DOT1L: variants seen among roughly 807,000 people sequenced by gnomAD.
The protein encoded by DOT1L is DOT1 like histone lysine methyltransferase.
A neutral mutation model predicts 153.3 loss-of-function variants in DOT1L; 33 were observed. The observed-to-expected ratio is 0.22, with a 90% CI of 0.16 to 0.29. The LOEUF is 0.29. Ranked by LOEUF, DOT1L falls within the 10% of genes least tolerant of loss-of-function variation. DOT1L has a pLI of 1.00. For synonymous variants in DOT1L, 1,135 were observed against 965.1 expected (o/e 1.18, Z -3.26); for missense variants, 1,847 against 2,119.9 (o/e 0.87, Z 2.53).
intron 2 of DOT1L, among the ~76,000 whole-genome samples, chr19:2,181,782 C>T (rs2144701863): frequency 6.6e-6 from 1 of 152,114 alleles, no homozygotes; most frequent in South Asian, 2.1e-4. Flanking sequence ...AGCCCCAGCC[C>T]CAGCCCCAGC....
At chr19:2,192,435 A>G (rs1270275897) in intron 5 of DOT1L, among the ~76,000 whole-genome samples, 1 of 152,206 alleles carries the variant, frequency 6.6e-6, no homozygotes, top group Non-Finnish European at 1.5e-5. Flanking sequence ...TGGGAGGCCA[A>G]AGCAGGCGGA....
chr19:2,189,629 C>A (rs375845994), intron 3 of DOT1L, 103 bp from the exon 4 acceptor site: 3 of 1,335,694 alleles, frequency 2.2e-6, no homozygotes, highest in East Asian at 2.4e-5. Context: ...GCTGTCCAGG[C>A]AGGGACCACA....
chr19:2,228,054 G>A, intron 27 of DOT1L: 11 of 1,302,796 alleles, frequency 8.4e-6, no homozygotes, highest in Non-Finnish European at 1.1e-5. Flanking sequence ...CCCTGAGCCC[G>A]CGCTTCTGCA....
intron 1 of DOT1L, among the ~76,000 whole-genome samples, chr19:2,179,883 G>T (rs1431302865): frequency 6.6e-6 from 1 of 152,176 alleles, no homozygotes; most frequent in African/African-American, 2.4e-5. Flanking sequence ...CCTGCACCCA[G>T]CCTGTTGTGG....
chr19:2,231,243 T>G lies in DOT1L; in HGVS notation c.*1451T>G. The G allele has an allele frequency of 4.4e-6, 1 of 227,524 alleles. No individual in the cohort carries two copies. The highest frequency in any genetic ancestry group is 6.3e-5 in the East Asian group (1 of 15,864). 14.1% of individuals were successfully genotyped at this position (227,524 alleles called of 1,614,324 possible). ...TGTGGCACTTGCTGAGCCCACCTTC[T>G]CAAGTGCTTGCTCCTGTGAGATGGC... On this transcript the variant is annotated 3_prime_UTR_variant, in exon 28 of 28. Transcript: ENST00000398665.
At chr19:2,164,386 C>G (rs1389424982) in intron 1 of DOT1L, 121 bp downstream of exon 1, 3 of 599,214 alleles carry the variant, frequency 5.0e-6, no homozygotes, top group African/African-American at 2.0e-5. Context: ...AGACCCTGGA[C>G]TCCACTGTCG....
At chr19:2,211,902 C>T in intron 16 of DOT1L, 60 bp downstream of exon 16, 2 of 1,469,244 alleles carry the variant, frequency 1.4e-6, no homozygotes, top group Non-Finnish European at 1.8e-6. Context: ...GTTCCTGTTC[C>T]TGGGCATCTG....
Position 2,217,758 on chromosome 19 carries a change from GC to G in DOT1L, c.2545-12del. On this transcript the variant is annotated splice_polypyrimidine_tract_variant and intron_variant, in intron 21 of 27. Transcript: ENST00000398665. The surrounding 1 kb of genome is among the most constrained non-coding windows in gnomAD (Gnocchi z 7.3). ...TTGTTGACCCACGACTGGGGGTCGG[GC>G]CTTCGTCTGCAGGGCCTGAGAGAGC... 1 of 1,593,848 alleles carries G rather than the reference GC, an allele frequency of 6.3e-7. No individual in the cohort carries two copies. Among genetic ancestry groups the G allele is most frequent in the South Asian group, 1.1e-5 (1 of 87,810 alleles).
intron 24 of DOT1L, chr19:2,223,011 T>G (rs935838019): frequency 7.8e-6 from 4 of 509,628 alleles, no homozygotes; most frequent in Admixed American, 3.6e-5. Flanking sequence ...CGGAGTGCGA[T>G]GCGCTGCCTG....
intron 25 of DOT1L, among the ~76,000 whole-genome samples, chr19:2,224,337 C>CTG (rs2024241343): frequency 6.6e-6 from 1 of 152,228 alleles, no homozygotes; most frequent in Non-Finnish European, 1.5e-5. Context: ...CCATTCCACC[C>CTG]TGCCACCATG....
At chr19:2,179,216 G>A (rs539198632) in intron 1 of DOT1L, among the ~76,000 whole-genome samples, 17 of 152,212 alleles carry the variant, frequency 1.1e-4, no homozygotes, top group African/African-American at 2.9e-4. Flanking sequence ...ATGGGGTTGC[G>A]TCCCGCTGGG....
At chr19:2,189,859 C>T (rs1278951534) in intron 4 of DOT1L, 64 bp downstream of exon 4, 2 of 1,551,286 alleles carry the variant, frequency 1.3e-6, no homozygotes, top group African/African-American at 1.4e-5. Flanking sequence ...CCTCCAGACC[C>T]CTTATGTCAC....
At position 2,211,143 on chromosome 19, in the gene DOT1L, A is replaced by G; in HGVS notation, c.1396A>G (p.Ser466Gly). The change falls in exon 15 of 28, where the codon AGC (serine) becomes GGC (glycine). Residue 466 changes from serine to glycine, a missense_variant. Ser to Gly is a moderately conservative substitution (Grantham distance 56). Transcript: ENST00000398665. ...PHSPFYQLPPSVQRHSPNPLL... is the reference protein window; with the variant it reads ...PHSPFYQLPPGVQRHSPNPLL... The stretch of plus-strand genomic sequence containing the variant: ...CAGCCCGTTCTACCAGCTACCTCCG[A>G]GCGTGCAGCGGCACTCCCCCAACCC... The G allele has an allele frequency of 3.7e-6, 6 of 1,612,946 alleles. No individual in the cohort carries two copies. Among genetic ancestry groups the G allele is most frequent in the Non-Finnish European group, 5.1e-6 (6 of 1,179,792 alleles).
In DOT1L at chr19:2,197,093, G is replaced by GGGA. The variant is rs1324542481; in HGVS notation, c.651+2518_651+2520dup. ...CCGCTGAGGGGTTTTCTGCCGTGGTGGGAGCCGTGGCCTGCGGTGCTTCCT... is the reference window on the plus strand; with the variant it reads ...CCGCTGAGGGGTTTTCTGCCGTGGTGGGAGGAGCCGTGGCCTGCGGTGCTTCCT... On this transcript the variant is annotated intron_variant, in intron 7 of 27. Coordinates refer to ENST00000398665, the MANE Select transcript of DOT1L (RefSeq NM_032482.3). The surrounding 1 kb of genome is among the most constrained non-coding windows in gnomAD (Gnocchi z 4.1). Among the ~76,000 whole-genome samples the GGGA allele has an allele frequency of 6.6e-6, 1 of 152,158 alleles. No homozygotes were observed. The highest frequency in any genetic ancestry group is 1.5e-5 in the Non-Finnish European group (1 of 68,022).
chr19:2,228,118 C>T (rs2024441758), intron 27 of DOT1L: 1 of 1,361,682 alleles, frequency 7.3e-7, no homozygotes, highest in African/African-American at 1.5e-5. Flanking sequence ...ACCTCTGCTG[C>T]CTCTCTGCCG....
At position 2,230,405 on chromosome 19, in the gene DOT1L, G is replaced by T; in HGVS notation, c.*613G>T. 2.5e-6 allele frequency: 1 copy of T among 402,600 alleles called. No homozygotes were observed. The highest frequency in any genetic ancestry group is 4.4e-6 in the Non-Finnish European group (1 of 228,848). 24.9% of individuals were successfully genotyped at this position (402,600 alleles called of 1,614,324 possible). On this transcript the variant is annotated 3_prime_UTR_variant, in exon 28 of 28. Coordinates refer to ENST00000398665, the MANE Select transcript of DOT1L (RefSeq NM_032482.3). ...TTTACCCCGGCACTGTGAACCCCCA[G>T]ACTGTTCACCCTCCGGGGCGTGGGT...
intron 12 of DOT1L, 42 bp from the exon 13 acceptor site, chr19:2,210,348 GGGCCGTGGGC>G: frequency 1.4e-6 from 2 of 1,428,842 alleles, no homozygotes; most frequent in Non-Finnish European, 1.8e-6. Flanking sequence ...CGGTGCAGGA[GGGCCGTGGGC>G]AGCGCTGGGG....
At chr19:2,188,641 T>C (rs983003423) in intron 3 of DOT1L, among the ~76,000 whole-genome samples, 2 of 152,144 alleles carry the variant, frequency 1.3e-5, no homozygotes, top group African/African-American at 4.8e-5. Context: ...GGGTCCCCGG[T>C]GAGAGCCACT....
intron 2 of DOT1L, 57 bp from the exon 3 acceptor site, chr19:2,185,798 C>G (rs1205782152): frequency 3.2e-6 from 5 of 1,580,638 alleles, no homozygotes; most frequent in Non-Finnish European, 4.3e-6. Context: ...AAACAAAACA[C>G]AAAACAAAAC....
Sources: allele counts gnomAD v4.1 joint callset (sites outside exome capture counted in the v4.1 genomes callset), GRCh38; gene constraint gnomAD v4.1.1; non-coding constraint Gnocchi (gnomAD v3.1); transcripts MANE v1.5; gene names NCBI Gene and HGNC (gene_info 2026-07-23, HGNC 2026-07-21).